Variants in SMCR8 observed in about 807,000 individuals in gnomAD.
The protein encoded by SMCR8 is SMCR8-C9orf72 complex subunit.
SMCR8 carries 30 observed loss-of-function variants against 56.6 expected under a neutral mutation model. That is an observed-to-expected ratio of 0.53 (90% CI 0.40 to 0.72). The LOEUF (loss-of-function observed/expected upper bound fraction) is 0.72, where lower values mean the gene tolerates loss of function less well. Among genes scored for constraint, SMCR8 ranks in the 30% least tolerant of loss-of-function variants. The pLI is 0.00. For synonymous variants in SMCR8, 538 were observed against 456.0 expected (o/e 1.18, Z -2.29); for missense variants, 1,198 against 1,157.0 (o/e 1.04, Z -0.51).
intron 1 of SMCR8, among the ~76,000 whole-genome samples, chr17:18,319,063 A>G (rs1361172430): frequency 2.0e-5 from 3 of 152,206 alleles, no homozygotes; most frequent in Non-Finnish European, 2.9e-5. Context: ...CAGCTCACCC[A>G]AAGAATTCCT....
intron 1 of SMCR8, among the ~76,000 whole-genome samples, chr17:18,319,311 A>C (rs955177378): frequency 6.6e-6 from 1 of 152,192 alleles, no homozygotes; most frequent in East Asian, 1.9e-4. Flanking sequence ...ATGTCCAAAA[A>C]AACACAGCAC....
chr17:18,319,895 A>G (rs1426742877), intron 1 of SMCR8, among the ~76,000 whole-genome samples: 1 of 151,986 alleles, frequency 6.6e-6, no homozygotes, highest in South Asian at 2.1e-4. Flanking sequence ...TAATTTTTGT[A>G]TCTTTAGTAG....
rs770863214 is a variant in SMCR8, at chr17:18,315,964, C to T, written c.175C>T (p.Leu59Phe). The change falls in exon 1 of 2, where the codon CTT (leucine) becomes TTT (phenylalanine). Residue 59 changes from leucine to phenylalanine, a missense_variant. Leu to Phe is a conservative substitution (Grantham distance 22, BLOSUM62 0). Coordinates refer to ENST00000406438, the MANE Select transcript of SMCR8 (RefSeq NM_144775.3). ...SGAKFSRDFI[L>F]ISEFSEQVGP... ...GGCCAAGTTTTCGAGGGACTTCATT[C>T]TTATTTCCGAGTTCTCTGAGCAGGT... The T allele has an allele frequency of 1.2e-6, 2 of 1,614,164 alleles. No individual in the cohort carries two copies. Among genetic ancestry groups the T allele is most frequent in the East Asian group, 2.2e-5 (1 of 44,884 alleles).
In SMCR8 at chr17:18,315,626, TCTC is replaced by T. The variant is rs1437849064; in HGVS notation, c.-160_-158del. Reference sequence around the variant, plus strand: ...ACTGTGAGGGGGCTGCTAGAGTTCTTCTCCTCGGGTGTGTGAGAAGCAGCCTAG... The same window carrying T: ...ACTGTGAGGGGGCTGCTAGAGTTCTTCTCGGGTGTGTGAGAAGCAGCCTAG... On this transcript the variant is annotated 5_prime_UTR_variant, in exon 1 of 2. Coordinates refer to ENST00000406438, the MANE Select transcript of SMCR8 (RefSeq NM_144775.3). The T allele has an allele frequency of 5.1e-5, 32 of 622,126 alleles. No individual in the cohort carries two copies. The highest frequency in any genetic ancestry group is 9.2e-5 in the African/African-American group (5 of 54,534). 38.5% of individuals were successfully genotyped at this position (622,126 alleles called of 1,614,324 possible). A position where few individuals can be genotyped will look rare whatever the true frequency, so the allele number is the denominator to read the frequency against.
rs528974411 is a variant in SMCR8 at position 18,316,291 on chromosome 17, C to A, written c.502C>A (p.Gln168Lys). 2 of 1,614,026 alleles carry A rather than the reference C, an allele frequency of 1.2e-6. No individual in the cohort carries two copies. Among genetic ancestry groups the A allele is most frequent in the South Asian group, 2.2e-5 (2 of 91,074 alleles). ...TGCAGACCAGCATAAAATCATGCAG[C>A]AGTTCCAGGAGCTTTCAGCCGAATT... ...ISADQHKIMQ[Q>K]FQELSAEFSR... Residue 168 changes from glutamine (Q) to lysine (K), a missense_variant, in exon 1 of 2, where the codon CAG (glutamine) becomes AAG (lysine). By Grantham distance (53) the Gln-to-Lys change is moderately conservative. Transcript: ENST00000406438.
rs938287256 is a variant in SMCR8 at position 18,326,511 on chromosome 17, C to T, written c.*3441C>T. ...ATTTACTCCAACAGTTGAAGTTACA[C>T]ACATTGCTCCCAAATTTGGAAATAG... On this transcript the variant is annotated 3_prime_UTR_variant, in exon 2 of 2. Coordinates refer to ENST00000406438, the MANE Select transcript of SMCR8 (RefSeq NM_144775.3). 2.0e-5 allele frequency: 3 copies of T among 152,262 alleles called. No individual in the cohort carries two copies. Among genetic ancestry groups the T allele is most frequent in the African/African-American group, 7.2e-5 (3 of 41,458 alleles). The allele number at this position is 152,262 out of a possible 1,614,324, so 9.4% of individuals were successfully genotyped here. A position where few individuals can be genotyped will look rare whatever the true frequency, so the allele number is the denominator to read the frequency against.
In SMCR8 at chr17:18,316,431, G is replaced by A. The variant is rs1383596491; in HGVS notation, c.642G>A (p.Glu214=). 1.9e-6 allele frequency: 3 copies of A among 1,614,010 alleles called. No homozygotes were observed. The highest frequency in any genetic ancestry group is 1.3e-5 in the African/African-American group (1 of 74,912). ...GGACAGTGCTACACACAGAAACGGA[G>A]ATCCAGAAGAAAGCCAACGACAAAG... ...YTRTVLHTET[E]IQKKANDKGF... Residue 214 remains glutamate, a synonymous_variant, in exon 1 of 2, where the codon GAG becomes GAA. Coordinates refer to ENST00000406438, the MANE Select transcript of SMCR8 (RefSeq NM_144775.3).
chr17:18,320,953 C>T (rs1598001160), intron 1 of SMCR8, among the ~76,000 whole-genome samples: 1 of 152,090 alleles, frequency 6.6e-6, no homozygotes, highest in Non-Finnish European at 1.5e-5. Flanking sequence ...GAGACCTTGT[C>T]TCCCTTCACT....
In SMCR8 at chr17:18,323,482, T is replaced by TG. The variant is rs1982563556; in HGVS notation, c.*413dup. 5.2e-6 allele frequency: 1 copy of TG among 192,564 alleles called. No homozygotes were observed. Among genetic ancestry groups the TG allele is most frequent in the African/African-American group, 2.3e-5 (1 of 43,036 alleles). 11.9% of individuals were successfully genotyped at this position (192,564 alleles called of 1,614,324 possible). ...ACTTGAGTGGCAAAATGAACGAGGG[T>TG]GACAGCCAGGTAACTGTTGTGGTTT... On this transcript the variant is annotated 3_prime_UTR_variant, in exon 2 of 2. Coordinates refer to ENST00000406438, the MANE Select transcript of SMCR8 (RefSeq NM_144775.3).
chr17:18,322,278 TG>T (rs1567760534), intron 1 of SMCR8, among the ~76,000 whole-genome samples: 1 of 152,210 alleles, frequency 6.6e-6, no homozygotes, highest in East Asian at 1.9e-4. Context: ...CCCAAAGTGC[TG>T]GGATTACAGG....
At position 18,315,375 on chromosome 17, in the gene SMCR8, C is replaced by A. The variant is rs1381751289; in HGVS notation, c.-415C>A. ...AGCCGCGACGGTTTCTGCCCTCGGG[C>A]AGTGAGGGGCAGCAGCGCTTGGCTG... On this transcript the variant is annotated 5_prime_UTR_variant, in exon 1 of 2. Coordinates refer to ENST00000406438, the MANE Select transcript of SMCR8 (RefSeq NM_144775.3). 6.1e-6 allele frequency: 1 copy of A among 163,914 alleles called. No individual in the cohort carries two copies. The highest frequency in any genetic ancestry group is 2.4e-5 in the African/African-American group (1 of 41,682). 10.2% of individuals were successfully genotyped at this position (163,914 alleles called of 1,614,324 possible). A position where few individuals can be genotyped will look rare whatever the true frequency, so the allele number is the denominator to read the frequency against.
At position 18,316,216 on chromosome 17, in the gene SMCR8, G is replaced by C; in HGVS notation, c.427G>C (p.Asp143His). Reference protein sequence around the residue: ...FAYVHHLTLYDLEARGFVRPF... With the variant: ...FAYVHHLTLYHLEARGFVRPF... ...ATACGTGCACCACCTTACCCTATACGACCTGGAGGCCCGTGGCTTCGTGAG... is the reference window on the plus strand; with the variant it reads ...ATACGTGCACCACCTTACCCTATACCACCTGGAGGCCCGTGGCTTCGTGAG... The change falls in exon 1 of 2, where the codon GAC (aspartate) becomes CAC (histidine). Residue 143 changes from aspartate to histidine, a missense_variant. Coordinates refer to ENST00000406438, the MANE Select transcript of SMCR8 (RefSeq NM_144775.3). 2 of 1,613,696 alleles carry C rather than the reference G, an allele frequency of 1.2e-6. No individual in the cohort carries two copies. Among genetic ancestry groups the C allele is most frequent in the South Asian group, 1.1e-5 (1 of 91,074 alleles).
rs540856505 is a variant in SMCR8, at chr17:18,324,889, G to A, written c.*1819G>A. 2.8e-4 allele frequency: 42 copies of A among 152,396 alleles called. No homozygotes were observed. The highest frequency in any genetic ancestry group is 1.0e-3 in the African/African-American group (42 of 41,594). The allele number at this position is 152,396 out of a possible 1,614,324, so 9.4% of individuals were successfully genotyped here. On this transcript the variant is annotated 3_prime_UTR_variant, in exon 2 of 2. Transcript: ENST00000406438. ...CCTGTGCCCGTTGCGCATGTTCACA[G>A]ACAGGAGAGTCGCCAGCAATACCTT...
rs766779173 is a variant in SMCR8 at position 18,316,939 on chromosome 17, G to A, written c.1150G>A (p.Glu384Lys). The A allele has an allele frequency of 2.5e-6, 4 of 1,614,046 alleles. No individual in the cohort carries two copies. The South Asian group carries it at 3.3e-5, about 13-fold the overall frequency. The change falls in exon 1 of 2, where the codon GAG (glutamate) becomes AAG (lysine). Residue 384 changes from glutamate (E) to lysine (K), a missense_variant. Glu to Lys is a moderately conservative substitution (Grantham distance 56). Transcript: ENST00000406438. ...DFVEVDDRMV[E>K]KQESIPSKPS... The stretch of plus-strand genomic sequence containing the variant: ...TGTGGAGGTCGATGACAGGATGGTG[G>A]AGAAACAAGAAAGCATACCCTCTAA...
At chr17:18,321,953 TTTAAA>T (rs1484551335) in intron 1 of SMCR8, among the ~76,000 whole-genome samples, 3 of 152,220 alleles carry the variant, frequency 2.0e-5, no homozygotes, top group Non-Finnish European at 4.4e-5. Context: ...CTGAATATGC[TTTAAA>T]TTAAGCTAAG....
Position 18,316,410 on chromosome 17 carries a change from A to C in SMCR8, c.621A>C (p.Thr207=). ...TGAAAGACTTGGATTACACCAGGACAGTGCTACACACAGAAACGGAGATCC... is the reference window on the plus strand; with the variant it reads ...TGAAAGACTTGGATTACACCAGGACCGTGCTACACACAGAAACGGAGATCC... ...KKLKDLDYTR[T]VLHTETEIQK... is the part of the protein sequence containing the mutation. Residue 207 remains threonine (T), a synonymous_variant, in exon 1 of 2, where the codon ACA becomes ACC. Transcript: ENST00000406438. The C allele has an allele frequency of 1.2e-6, 2 of 1,614,220 alleles. No homozygotes were observed. Among genetic ancestry groups the C allele is most frequent in the South Asian group, 2.2e-5 (2 of 91,090 alleles).
At chr17:18,320,893 C>T (rs1355350306) in intron 1 of SMCR8, among the ~76,000 whole-genome samples, 1 of 152,216 alleles carries the variant, frequency 6.6e-6, no homozygotes, top group East Asian at 1.9e-4. Context: ...TCTGAGGCAA[C>T]TCCACGAATC....
In SMCR8 at chr17:18,315,928, A is replaced by G. The variant is rs568762775; in HGVS notation, c.139A>G (p.Lys47Glu). 5.0e-6 allele frequency: 8 copies of G among 1,614,140 alleles called. No individual in the cohort carries two copies. The highest frequency in any genetic ancestry group is 2.2e-5 in the East Asian group (1 of 44,884). The change falls in exon 1 of 2, where the codon AAA (lysine) becomes GAA (glutamate). Residue 47 changes from lysine to glutamate, a missense_variant. Physicochemically the swap from Lys to Glu is moderately conservative, Grantham distance 56. Coordinates refer to ENST00000406438, the MANE Select transcript of SMCR8 (RefSeq NM_144775.3). ...FASQGANPWS[K>E]LSGAKFSRDF... ...CAGTCAGGGTGCTAACCCCTGGTCA[A>G]AACTGTCCGGGGCCAAGTTTTCGAG...
In SMCR8 at chr17:18,323,256, A is replaced by C; in HGVS notation, c.*186A>C. The C allele has an allele frequency of 1.7e-6, 1 of 597,960 alleles. No homozygotes were observed. The highest frequency in any genetic ancestry group is 2.9e-6 in the Non-Finnish European group (1 of 339,862). The allele number at this position is 597,960 out of a possible 1,614,324, so 37.0% of individuals were successfully genotyped here. A position where few individuals can be genotyped will look rare whatever the true frequency, so the allele number is the denominator to read the frequency against. ...CAGAAGTGGAGCCTGGCTCCCTCTA[A>C]AGGCGTCTGGAGGGATGGTGACAGC... is the stretch of plus-strand genomic sequence containing the variant. On this transcript the variant is annotated 3_prime_UTR_variant, in exon 2 of 2. Transcript: ENST00000406438.
Sources: allele counts gnomAD v4.1 joint callset (sites outside exome capture counted in the v4.1 genomes callset), GRCh38; gene constraint gnomAD v4.1.1; transcripts MANE v1.5; gene names NCBI Gene and HGNC (gene_info 2026-07-23, HGNC 2026-07-21).